The following ADAMTS2 variants were observed in gnomAD, a reference collection of about 807,000 sequenced individuals.
ADAMTS2 encodes A disintegrin and metalloproteinase with thrombospondin motifs 2.
A neutral mutation model predicts 123.0 loss-of-function variants in ADAMTS2; 50 were observed. That is an observed-to-expected ratio of 0.41 (90% CI 0.32 to 0.51). ADAMTS2 has a LOEUF of 0.51. Among genes scored for constraint, ADAMTS2 ranks in the 20% least tolerant of loss-of-function variants. The pLI, the probability that ADAMTS2 is intolerant of heterozygous loss-of-function variation, is 0.35. For missense variants in ADAMTS2, 1,494 were observed against 1,705.2 expected, an observed-to-expected ratio of 0.88 and a Z score of 2.18; for synonymous variants, 678 against 695.4, an observed-to-expected ratio of 0.98 and a Z score of 0.39.
rs114781965 is a variant in ADAMTS2, at chr5:179,117,993, C to T, written c.3178+3668G>A. Among the ~76,000 whole-genome samples the T allele has an allele frequency of 8.3e-3, 1,266 of 152,286 alleles. 14 individuals are homozygous for T. Among genetic ancestry groups the T allele is most frequent in the African/African-American group, 0.029 (1,207 of 41,562 alleles). On this transcript the variant is annotated intron_variant, in intron 21 of 21. Transcript: ENST00000251582. The surrounding 1 kb of genome is among the most constrained non-coding windows in gnomAD (Gnocchi z 4.2). ...GTCAAGTGCACGCCTAGGTCAGAGC[C>T]ATGCACGAGAAAGTGCTCCATAAAT...
intron 3 of ADAMTS2, among the ~76,000 whole-genome samples, chr5:179,220,398 C>T (rs1765099580): frequency 6.6e-6 from 1 of 152,124 alleles, no homozygotes; most frequent in South Asian, 2.1e-4. Context: ...GGTACATGCT[C>T]CAGAGCCCCT....
intron 3 of ADAMTS2, among the ~76,000 whole-genome samples, chr5:179,213,536 G>C (rs1466197536): frequency 6.6e-6 from 1 of 152,204 alleles, no homozygotes; most frequent in Non-Finnish European, 1.5e-5. Flanking sequence ...CGAGCTGGGG[G>C]CCTCTGGGGA....
chr5:179,275,596 T>C (rs1255848217), intron 2 of ADAMTS2, among the ~76,000 whole-genome samples: 1 of 152,104 alleles, frequency 6.6e-6, no homozygotes, highest in East Asian at 1.9e-4. Context: ...GACGAGGCCA[T>C]GGGCAGACAG....
At chr5:179,126,553 GC>G (rs1302706481) in intron 17 of ADAMTS2, among the ~76,000 whole-genome samples, 3 of 152,236 alleles carry the variant, frequency 2.0e-5, no homozygotes, top group Non-Finnish European at 4.4e-5. Context: ...ATTTTCTCCA[GC>G]AGGGGACATT....
At chr5:179,336,282 T>G (rs992509917) in intron 2 of ADAMTS2, among the ~76,000 whole-genome samples, 20 of 152,034 alleles carry the variant, frequency 1.3e-4, no homozygotes, top group Non-Finnish European at 2.8e-4. Context: ...GGTCAAAAAG[T>G]TAGGGTGCAC....
chr5:179,243,795 A>G (rs77796045), intron 3 of ADAMTS2, among the ~76,000 whole-genome samples: 5,558 of 152,344 alleles, frequency 0.036, 137 homozygotes, highest in Non-Finnish European at 0.059. Context: ...GCTTATGTAA[A>G]GGAGTGATGA....
chr5:179,320,007 C>T (rs527707428), intron 2 of ADAMTS2, among the ~76,000 whole-genome samples: 233 of 152,344 alleles, frequency 1.5e-3, no homozygotes, highest in Non-Finnish European at 1.6e-3. Context: ...CCCAGCCTGA[C>T]GGCTCCTGGA....
intron 3 of ADAMTS2, among the ~76,000 whole-genome samples, chr5:179,211,764 C>G (rs181528686): frequency 6.6e-6 from 1 of 152,288 alleles, no homozygotes; most frequent in East Asian, 1.9e-4. Context: ...GCACAGGGCA[C>G]GTGGGCAAGG....
rs1159738973 is a variant in ADAMTS2 at position 179,242,377 on chromosome 5, T to C, written c.688+30534A>G. On this transcript the variant is annotated intron_variant, in intron 3 of 21. Coordinates refer to ENST00000251582, the MANE Select transcript of ADAMTS2 (RefSeq NM_014244.5). The surrounding 1 kb of genome is among the most constrained non-coding windows in gnomAD (Gnocchi z 4.2). The stretch of plus-strand genomic sequence containing the variant: ...ACATATCCAGTGTCTTCTACCTTCC[T>C]TATTGCTGTGGCCCTTTAAAAAAAG... 6.6e-6 allele frequency among the ~76,000 whole-genome samples: 1 copy of C among 152,140 alleles called. No homozygotes were observed. The highest frequency in any genetic ancestry group is 1.9e-4 in the East Asian group (1 of 5,186).
chr5:179,218,793 C>G (rs915137088), intron 3 of ADAMTS2, among the ~76,000 whole-genome samples: 2 of 152,192 alleles, frequency 1.3e-5, no homozygotes, highest in African/African-American at 4.8e-5. Context: ...GCCTGCTCAG[C>G]CTCAGCCATG....
chr5:179,119,317 G>T (rs1047519449), intron 21 of ADAMTS2, among the ~76,000 whole-genome samples: 2 of 152,178 alleles, frequency 1.3e-5, no homozygotes, highest in African/African-American at 4.8e-5. Flanking sequence ...GCTAGCCCCC[G>T]GGCCCGGCCC....
At position 179,129,227 on chromosome 5, in the gene ADAMTS2, CA is replaced by C. The variant is rs1004465279; in HGVS notation, c.2457+704del. On this transcript the variant is annotated intron_variant, in intron 16 of 21. Coordinates refer to ENST00000251582, the MANE Select transcript of ADAMTS2 (RefSeq NM_014244.5). This position sits in a 1 kb window ranked among gnomAD's most constrained non-coding sequence, Gnocchi z 4.1. ...ACTGCAGGCGAGGCAGGCAGGGTGC[CA>C]GGGGGTACACGGGGCATACCTGGCT... Among the ~76,000 whole-genome samples the C allele has an allele frequency of 6.6e-6, 1 of 152,146 alleles. No homozygotes were observed. Among genetic ancestry groups the C allele is most frequent in the African/African-American group, 2.4e-5 (1 of 41,430 alleles).
intron 20 of ADAMTS2, 112 bp downstream of exon 20, chr5:179,122,532 T>G (rs902379130): frequency 7.6e-6 from 11 of 1,438,096 alleles, no homozygotes; most frequent in South Asian, 1.3e-5. Flanking sequence ...TCACAGATGT[T>G]GAGTCCAGCT....
chr5:179,336,299 A>G (rs1206009727), intron 2 of ADAMTS2, among the ~76,000 whole-genome samples: 2 of 152,242 alleles, frequency 1.3e-5, no homozygotes, highest in African/African-American at 2.4e-5. Context: ...GCACGCAGAA[A>G]GGCGCATGTA....
Position 179,260,826 on chromosome 5 carries a change from G to A in ADAMTS2, c.688+12085C>T, listed in dbSNP as rs190824085. 9.2e-4 allele frequency among the ~76,000 whole-genome samples: 140 copies of A among 152,290 alleles called. 1 individual carries two copies. The Middle Eastern group carries it at 0.01, about 11-fold the overall frequency. On this transcript the variant is annotated intron_variant, in intron 3 of 21. Transcript: ENST00000251582. This position sits in a 1 kb window ranked among gnomAD's most constrained non-coding sequence, Gnocchi z 4.2. ...GGTAAGTGCTCCAGGAACGCGTCAC[G>A]TTCTTCTTGCTCCCTGCTGTTCCCG...
chr5:179,213,813 AAAAAAATAC>A (rs1159536274), intron 3 of ADAMTS2, among the ~76,000 whole-genome samples: 5 of 152,234 alleles, frequency 3.3e-5, no homozygotes, highest in African/African-American at 1.2e-4. Context: ...CAACTCATGG[AAAAAAATAC>A]AAAAGATACG....
intron 4 of ADAMTS2, among the ~76,000 whole-genome samples, chr5:179,192,278 C>T (rs999717248): frequency 7.2e-5 from 11 of 152,230 alleles, no homozygotes; most frequent in Admixed American, 6.5e-4. Context: ...CAAGAAGGGT[C>T]CTGCATTACA....
At chr5:179,203,932 G>A (rs1326509155) in intron 4 of ADAMTS2, among the ~76,000 whole-genome samples, 1 of 152,224 alleles carries the variant, frequency 6.6e-6, no homozygotes, top group East Asian at 1.9e-4. Flanking sequence ...AGTAGCCCAT[G>A]AGGGGGCCAC....
chr5:179,239,581 G>A (rs113323047), intron 3 of ADAMTS2, among the ~76,000 whole-genome samples: 1 of 152,126 alleles, frequency 6.6e-6, no homozygotes, highest in Non-Finnish European at 1.5e-5. Context: ...AATACAGAGA[G>A]CATGGAAGGT....
Sources: allele counts gnomAD v4.1 joint callset (sites outside exome capture counted in the v4.1 genomes callset), GRCh38; gene constraint gnomAD v4.1.1; non-coding constraint Gnocchi (gnomAD v3.1); transcripts MANE v1.5; gene names NCBI Gene and HGNC (gene_info 2026-07-23, HGNC 2026-07-21).